The following TAF5 variants were observed in gnomAD, a reference collection of about 807,000 sequenced individuals.
TAF5 encodes TATA-box binding protein associated factor 5.
A neutral mutation model predicts 80.9 loss-of-function variants in TAF5; 20 were observed. That is an observed-to-expected ratio of 0.25 (90% CI 0.17 to 0.36). The LOEUF (loss-of-function observed/expected upper bound fraction) is 0.36, where lower values mean the gene tolerates loss of function less well. TAF5 is among the 10% of genes least tolerant of loss of function. The pLI is 1.00. For synonymous variants in TAF5, 388 were observed against 406.4 expected (o/e 0.95, Z 0.55); for missense variants, 863 against 1,029.4 (o/e 0.84, Z 2.21).
At chr10:103,370,231 C>CA (rs1293936283) in intron 1 of TAF5, among the ~76,000 whole-genome samples, 78 of 133,916 alleles carry the variant, frequency 5.8e-4, no homozygotes, top group Middle Eastern at 4.3e-3. Context: ...GACTCTGTCT[C>CA]AAAAAAAAAA....
At position 103,378,229 on chromosome 10, in the gene TAF5, A is replaced by T. The variant is rs1235942167; in HGVS notation, c.798-6A>T. The T allele has an allele frequency of 1.9e-6, 3 of 1,607,242 alleles. No individual in the cohort carries two copies. Among genetic ancestry groups the T allele is most frequent in the East Asian group, 2.2e-5 (1 of 44,808 alleles). On this transcript the variant is annotated splice_region_variant and splice_polypyrimidine_tract_variant and intron_variant, in intron 2 of 10. Transcript: ENST00000369839. The surrounding 1 kb of genome is among the most constrained non-coding windows in gnomAD (Gnocchi z 4.1). Reference sequence around the variant, plus strand: ...GAAAAATGACTTTTTAAAATCACTGAAACAGGTTCCATGGAGATCAGGAAT... The same window carrying T: ...GAAAAATGACTTTTTAAAATCACTGTAACAGGTTCCATGGAGATCAGGAAT...
chr10:103,383,399 C>T (rs747726628), intron 7 of TAF5, 32 bp downstream of exon 7: 1 of 1,551,806 alleles, frequency 6.4e-7, no homozygotes, highest in South Asian at 1.3e-5. Flanking sequence ...TTAAATACTG[C>T]TATGTTATAT....
chr10:103,368,325 C>T lies in TAF5; in HGVS notation c.336C>T (p.Ala112=), dbSNP rs78702046. 5.7e-4 allele frequency: 900 copies of T among 1,582,420 alleles called. 18 individuals are homozygous for T. The East Asian group carries it at 0.017, about 29-fold the overall frequency. The change falls in exon 1 of 11, where the codon GCC becomes GCT. Residue 112 remains alanine, a synonymous_variant. Coordinates refer to ENST00000369839, the MANE Select transcript of TAF5 (RefSeq NM_006951.5). ...TACGGCAGAGCAAACTCCGCGAGGC[C>T]GAAGAGGCGCTGCGCCGTGAGGCCG... ...QFLRQSKLRE[A]EEALRREAGL...
chr10:103,386,305 T>C (rs1327700191), intron 8 of TAF5, among the ~76,000 whole-genome samples: 2 of 150,064 alleles, frequency 1.3e-5, no homozygotes, highest in Non-Finnish European at 3.0e-5. Flanking sequence ...TAGCCGGGTG[T>C]GGTGGCACGT....
chr10:103,387,685 A>C lies in TAF5; in HGVS notation c.2172A>C (p.Glu724Asp), dbSNP rs1019837222. The change falls in exon 10 of 11, where the codon GAA becomes GAC. Residue 724 changes from glutamate (E) to aspartate (D), a missense_variant. Glu to Asp is a conservative substitution (Grantham distance 45). Transcript: ENST00000369839. ...VCSLRFSRDG[E>D]ILASGSMDNT... is the part of the protein sequence containing the mutation. ...CACTTAGGTTTAGTAGAGATGGTGA[A>C]ATTTTGGCATCAGGTAAATGACTAT... 2 of 1,610,774 alleles carry C rather than the reference A, an allele frequency of 1.2e-6. No homozygotes were observed. The highest frequency in any genetic ancestry group is 1.7e-6 in the Non-Finnish European group (2 of 1,179,172).
Position 103,378,173 on chromosome 10 carries a change from G to A in TAF5, c.798-62G>A. 6.9e-7 allele frequency: 1 copy of A among 1,441,672 alleles called. No homozygotes were observed. The highest frequency in any genetic ancestry group is 1.3e-5 in the South Asian group (1 of 77,150). 89.3% of individuals were successfully genotyped at this position (1,441,672 alleles called of 1,614,324 possible). ...TTCTGGGATGGTTTATAAGTATATG[G>A]GGGAAAGGCAGATCCCTTAATGATT... On this transcript the variant is annotated intron_variant, in intron 2 of 10. Coordinates refer to ENST00000369839, the MANE Select transcript of TAF5 (RefSeq NM_006951.5). The surrounding 1 kb of genome is among the most constrained non-coding windows in gnomAD (Gnocchi z 4.1).
At chr10:103,377,019 A>G (rs1169157147) in intron 2 of TAF5, among the ~76,000 whole-genome samples, 1 of 152,118 alleles carries the variant, frequency 6.6e-6, no homozygotes. Flanking sequence ...AAATTAGTGG[A>G]GTATGGTGGC....
At chr10:103,375,119 CAAA>C (rs914374305) in intron 2 of TAF5, among the ~76,000 whole-genome samples, 6 of 80,632 alleles carry the variant, frequency 7.4e-5, no homozygotes, top group Non-Finnish European at 9.0e-5. Flanking sequence ...GACCCTGTCT[CAAA>C]AAAAAAAAAA....
chr10:103,368,626 A>C (rs1464024960), intron 1 of TAF5, 78 bp downstream of exon 1: 2 of 1,393,542 alleles, frequency 1.4e-6, no homozygotes, highest in Non-Finnish European at 9.3e-7. Flanking sequence ...GCAGGCCTGC[A>C]CCTCTGCGGG....
chr10:103,368,609 G>A, intron 1 of TAF5, 61 bp downstream of exon 1: 1 of 1,435,224 alleles, frequency 7.0e-7, no homozygotes. Flanking sequence ...CGGTAAGGCA[G>A]GGGCTGGCAG....
chr10:103,379,932 G>A lies in TAF5; in HGVS notation c.1326G>A (p.Met442Ile), dbSNP rs138518527. 38 of 1,613,922 alleles carry A rather than the reference G, an allele frequency of 2.4e-5. No individual in the cohort carries two copies. The highest frequency in any genetic ancestry group is 2.8e-5 in the Non-Finnish European group (33 of 1,180,012). Residue 442 changes from methionine to isoleucine, a missense_variant, in exon 5 of 11, where the codon ATG becomes ATA. Transcript: ENST00000369839. The part of the protein sequence containing the change: ...LKDSDKLDKI[M>I]NMKETTKRVR... ...ATTCAGATAAGTTGGATAAGATAAT[G>A]AATATGAAAGAAACCACCAAACGAG...
rs1425109969 is a variant in TAF5 at position 103,374,959 on chromosome 10, A to C, written c.797+1364A>C. On this transcript the variant is annotated intron_variant, in intron 2 of 10. Coordinates refer to ENST00000369839, the MANE Select transcript of TAF5 (RefSeq NM_006951.5). This position sits in a 1 kb window ranked among gnomAD's most constrained non-coding sequence, Gnocchi z 4.3. The stretch of plus-strand genomic sequence containing the variant: ...CTGGTGAGACCTAGTCTCTTCAAAA[A>C]AATGCAAAAATTAGCTGGGTGTGGT... Among the ~76,000 whole-genome samples, 1 of 152,036 alleles carries C rather than the reference A, an allele frequency of 6.6e-6. No individual in the cohort carries two copies. Among genetic ancestry groups the C allele is most frequent in the Non-Finnish European group, 1.5e-5 (1 of 67,998 alleles).
chr10:103,378,476 C>A lies in TAF5; in HGVS notation c.1039C>A (p.Arg347Ser). Residue 347 changes from arginine to serine, a missense_variant, in exon 3 of 11, where the codon CGT (arginine) becomes AGT (serine). Arg to Ser is a moderately radical substitution (Grantham distance 110, BLOSUM62 -1). This residue lies in a region of TAF5 where 128 missense variants were observed against 232.2 expected (regional missense o/e 0.55). Transcript: ENST00000369839. The surrounding 1 kb of genome is among the most constrained non-coding windows in gnomAD (Gnocchi z 4.1). ...LYIDIFDGMP[R>S]SKQQIDAMVG... ...CATTGACATCTTTGATGGGATGCCG[C>A]GTAGTAAGCAACAGATAGATGCGAT... The A allele has an allele frequency of 6.2e-7, 1 of 1,614,012 alleles. No homozygotes were observed. The highest frequency in any genetic ancestry group is 8.5e-7 in the Non-Finnish European group (1 of 1,180,022).
rs1479245485 is a variant in TAF5, at chr10:103,379,749, C to A, written c.1255C>A (p.Pro419Thr). 2 of 1,598,312 alleles carry A rather than the reference C, an allele frequency of 1.3e-6. No individual in the cohort carries two copies. The highest frequency in any genetic ancestry group is 2.3e-5 in the South Asian group (2 of 86,342). ...TGGATCCAAAAGCAAAAAACAAGAT[C>A]CCAATGCTCCACCTCAGAACAGGTG... is the stretch of plus-strand genomic sequence containing the variant. ...SIGSKSKKQDPNAPPQNRIPL... is the reference protein window; with the variant it reads ...SIGSKSKKQDTNAPPQNRIPL... Residue 419 changes from proline (P) to threonine (T), a missense_variant, in exon 4 of 11, where the codon CCC (proline) becomes ACC (threonine). Physicochemically the swap from Pro to Thr is conservative, Grantham distance 38. Coordinates refer to ENST00000369839, the MANE Select transcript of TAF5 (RefSeq NM_006951.5).
Position 103,388,061 on chromosome 10 carries a change from A to C in TAF5, c.2241A>C (p.Leu747Phe). The change falls in exon 11 of 11, where the codon TTA becomes TTC. Residue 747 changes from leucine (L) to phenylalanine (F), a missense_variant. Leu to Phe is a conservative substitution (Grantham distance 22, BLOSUM62 0). Coordinates refer to ENST00000369839, the MANE Select transcript of TAF5 (RefSeq NM_006951.5). ...ATGCTATCAAAGCCTTTGAAGATTTAGAGACCGATGACTTTACTACAGCCA... is the reference window on the plus strand; with the variant it reads ...ATGCTATCAAAGCCTTTGAAGATTTCGAGACCGATGACTTTACTACAGCCA... The part of the protein sequence containing the change: ...LWDAIKAFED[L>F]ETDDFTTATG... 6.2e-7 allele frequency: 1 copy of C among 1,614,112 alleles called. No individual in the cohort carries two copies. The highest frequency in any genetic ancestry group is 8.5e-7 in the Non-Finnish European group (1 of 1,179,974).
intron 4 of TAF5, 49 bp downstream of exon 4, chr10:103,379,820 G>A (rs1222477199): frequency 1.2e-6 from 2 of 1,602,008 alleles, no homozygotes; most frequent in East Asian, 2.2e-5. Context: ...AAGACAACAT[G>A]TTATATAGAG....
rs552218789 is a variant in TAF5, at chr10:103,368,013, G to A, written c.24G>A (p.Gln8=). 6.8e-6 allele frequency: 10 copies of A among 1,464,622 alleles called. No individual in the cohort carries two copies. The East Asian group carries it at 2.4e-4, about 35-fold the overall frequency. The allele number at this position is 1,464,622 out of a possible 1,614,324, so 90.7% of individuals were successfully genotyped here. A position where few individuals can be genotyped will look rare whatever the true frequency, so the allele number is the denominator to read the frequency against. MAALAEE[Q]TEVAVKLEPE... is the part of the protein sequence containing the mutation. ...AGATGGCGGCGCTGGCGGAGGAGCA[G>A]ACGGAGGTGGCGGTCAAGCTAGAGC... Residue 8 remains glutamine (Q), a synonymous_variant, in exon 1 of 11, where the codon CAG becomes CAA. Transcript: ENST00000369839.
intron 3 of TAF5, 106 bp from the exon 4 acceptor site, chr10:103,379,502 A>T: frequency 9.8e-7 from 1 of 1,020,682 alleles, no homozygotes; most frequent in South Asian, 1.9e-5. Context: ...ACCCTGCTTC[A>T]GAGTGTAAAT....
intron 2 of TAF5, 126 bp downstream of exon 2, chr10:103,373,721 AG>A (rs1451280861): frequency 1.4e-6 from 1 of 707,396 alleles, no homozygotes; most frequent in Non-Finnish European, 2.3e-6. Flanking sequence ...TGTGAAGGAG[AG>A]GTACCTGAGG....
Sources: allele counts gnomAD v4.1 joint callset (sites outside exome capture counted in the v4.1 genomes callset), GRCh38; gene constraint gnomAD v4.1.1; regional missense constraint gnomAD v4.1.1; non-coding constraint Gnocchi (gnomAD v3.1); transcripts MANE v1.5; gene names NCBI Gene and HGNC (gene_info 2026-07-23, HGNC 2026-07-21).